HEPACAM: variants seen among roughly 807,000 people sequenced by gnomAD.
HEPACAM encodes the protein hepatic and glial cell adhesion molecule, also known as hepatocyte cell adhesion molecule.
A neutral mutation model predicts 38.3 loss-of-function variants in HEPACAM; 18 were observed. The ratio of observed to expected loss-of-function variants is 0.47; its 90% CI spans 0.33 to 0.70. The LOEUF is 0.70. Among genes scored for constraint, HEPACAM ranks in the 30% least tolerant of loss-of-function variants. The pLI, the probability that HEPACAM is intolerant of heterozygous loss-of-function variation, is 0.03. For missense variants in HEPACAM, 466 were observed against 563.0 expected, an observed-to-expected ratio of 0.83 and a Z score of 1.74; for synonymous variants, 216 against 243.1, an observed-to-expected ratio of 0.89 and a Z score of 1.04.
intron 1 of HEPACAM, among the ~76,000 whole-genome samples, chr11:124,934,846 G>C (rs1024600139): frequency 6.6e-6 from 1 of 152,002 alleles, no homozygotes; most frequent in Non-Finnish European, 1.5e-5. Context: ...ATGTAACCCT[G>C]ACAGTCCCCA....
In HEPACAM at chr11:124,924,337, A is replaced by G. The variant is rs77495486; in HGVS notation, c.428-327T>C. On this transcript the variant is annotated intron_variant, in intron 2 of 6. Coordinates refer to ENST00000298251, the MANE Select transcript of HEPACAM (RefSeq NM_152722.5). This position sits in a 1 kb window ranked among gnomAD's most constrained non-coding sequence, Gnocchi z 4.4. ...ACTGACCCAGCCAGGAAGATATTTC[A>G]GTTGGGCTAAGCCTAGGTCCAACTG... Among the ~76,000 whole-genome samples the G allele has an allele frequency of 6.6e-6, 1 of 152,136 alleles. No homozygotes were observed. Among genetic ancestry groups the G allele is most frequent in the Non-Finnish European group, 1.5e-5 (1 of 68,032 alleles).
chr11:124,928,882 C>T (rs1591551864), intron 1 of HEPACAM, among the ~76,000 whole-genome samples: 1 of 152,236 alleles, frequency 6.6e-6, no homozygotes, highest in Admixed American at 6.5e-5. Context: ...CACATGTCAT[C>T]AGGACCCCCT....
At chr11:124,922,008 AG>A (rs1431432031) in intron 6 of HEPACAM, among the ~76,000 whole-genome samples, 2 of 152,188 alleles carry the variant, frequency 1.3e-5, no homozygotes, top group African/African-American at 2.4e-5. Flanking sequence ...CAGAGAGCAA[AG>A]CTTCATATGT....
At position 124,920,105 on chromosome 11, in the gene HEPACAM, T is replaced by C. The variant is rs537876767; in HGVS notation, c.*1033A>G. On this transcript the variant is annotated 3_prime_UTR_variant, in exon 7 of 7. Coordinates refer to ENST00000298251, the MANE Select transcript of HEPACAM (RefSeq NM_152722.5). ...TGGCAGGAGGCCAGGGGTTGGATCA[T>C]GTTCCCCCCAAATGCTGGGAAGCAA... 7.5e-5 allele frequency: 106 copies of C among 1,422,748 alleles called. No homozygotes were observed. The East Asian group carries it at 2.0e-3, about 27-fold the overall frequency. 88.1% of individuals were successfully genotyped at this position (1,422,748 alleles called of 1,614,324 possible). A position where few individuals can be genotyped will look rare whatever the true frequency, so the allele number is the denominator to read the frequency against.
intron 5 of HEPACAM, 69 bp from the exon 6 acceptor site, chr11:124,922,527 CT>C: frequency 6.3e-7 from 1 of 1,597,502 alleles, no homozygotes; most frequent in Non-Finnish European, 8.6e-7. Flanking sequence ...CACCTACTCT[CT>C]GTGCTTCCCG....
Position 124,919,739 on chromosome 11 carries a change from G to T in HEPACAM, c.*1399C>A. On this transcript the variant is annotated 3_prime_UTR_variant, in exon 7 of 7. Coordinates refer to ENST00000298251, the MANE Select transcript of HEPACAM (RefSeq NM_152722.5). ...TTGGGGCTGAGACAAAACTTGACCT[G>T]GTGTGGAGGTGATGGGTAACTGGGG... The T allele has an allele frequency of 6.2e-7, 1 of 1,612,752 alleles. No homozygotes were observed.
In HEPACAM at chr11:124,922,656, G is replaced by C. The variant is rs150499789; in HGVS notation, c.877+89C>G. The C allele has an allele frequency of 1.7e-5, 28 of 1,614,050 alleles. No homozygotes were observed. In the East Asian group the frequency reaches 5.8e-4, roughly 33 times the overall value. Reference sequence around the variant, plus strand: ...GTGGGGGAAGGGTCCCTGCAGAGCTGTTTTCCTTGTCGCCCAGTTCTGCCT... The same window carrying C: ...GTGGGGGAAGGGTCCCTGCAGAGCTCTTTTCCTTGTCGCCCAGTTCTGCCT... On this transcript the variant is annotated intron_variant, in intron 5 of 6. Transcript: ENST00000298251.
chr11:124,920,678 CAAAAAA>C lies in HEPACAM; in HGVS notation c.*454_*459del, dbSNP rs71042463. 0.013 allele frequency: 7,470 copies of C among 572,764 alleles called. 3 individuals carry two copies. The highest frequency in any genetic ancestry group is 0.029 in the African/African-American group (616 of 21,382). The allele number at this position is 572,764 out of a possible 1,614,324, so 35.5% of individuals were successfully genotyped here. On this transcript the variant is annotated 3_prime_UTR_variant, in exon 7 of 7. Transcript: ENST00000298251. The stretch of plus-strand genomic sequence containing the variant: ...AAGTGGCCTCTCTAATCTGAACTTG[CAAAAAA>C]AAAAAAAAAAAAAAAAAAAAAAAAA...
chr11:124,923,742 C>A lies in HEPACAM; in HGVS notation c.696G>T (p.Lys232Asn), dbSNP rs771212062. ...PISQGRSLPVKITVYRRSSLY... is the reference protein window; with the variant it reads ...PISQGRSLPVNITVYRRSSLY... ...GGGGAAACTCACTGTATACGGTGAT[C>A]TTGACAGGCAGGCTGCGGCCCTGGC... The change falls in exon 3 of 7, where the codon AAG becomes AAT. Residue 232 changes from lysine (K) to asparagine (N), a missense_variant. Transcript: ENST00000298251. 2.5e-6 allele frequency: 4 copies of A among 1,614,154 alleles called. No individual in the cohort carries two copies. Among genetic ancestry groups the A allele is most frequent in the Non-Finnish European group, 3.4e-6 (4 of 1,180,034 alleles).
intron 1 of HEPACAM, among the ~76,000 whole-genome samples, chr11:124,931,657 G>A (rs1406202221): frequency 6.6e-6 from 1 of 152,148 alleles, no homozygotes; most frequent in East Asian, 1.9e-4. Flanking sequence ...AAACCGTTTG[G>A]CCATGTCTAT....
chr11:124,923,088 A>G (rs1947161300), intron 4 of HEPACAM, among the ~76,000 whole-genome samples: 1 of 152,200 alleles, frequency 6.6e-6, no homozygotes, highest in African/African-American at 2.4e-5. Flanking sequence ...AAAAGGTAGC[A>G]GGCTAACCAC....
intron 1 of HEPACAM, among the ~76,000 whole-genome samples, chr11:124,932,168 G>C (rs1947288241): frequency 6.6e-6 from 1 of 152,060 alleles, no homozygotes; most frequent in Non-Finnish European, 1.5e-5. Flanking sequence ...CTTTTTAAAG[G>C]CTCACCAAAC....
chr11:124,928,239 AGGTT>A (rs1362337668), intron 1 of HEPACAM, among the ~76,000 whole-genome samples: 1 of 152,206 alleles, frequency 6.6e-6, no homozygotes, highest in African/African-American at 2.4e-5. Flanking sequence ...ATGATCCTTA[AGGTT>A]TCTTCCAATT....
Position 124,925,023 on chromosome 11 carries a change from A to G in HEPACAM, c.132T>C (p.His44=), listed in dbSNP as rs1225085856. Residue 44 remains histidine, a synonymous_variant, in exon 2 of 7, where the codon CAT becomes CAC. Coordinates refer to ENST00000298251, the MANE Select transcript of HEPACAM (RefSeq NM_152722.5). ...VNITSPVRLI[H]GTVGKSALLS... ...GCAGAGCCGACTTCCCCACGGTGCC[A>G]TGGATCAGGCGCACGGGGCTGGTGA... 1.9e-6 allele frequency: 3 copies of G among 1,606,098 alleles called. No individual in the cohort carries two copies. Among genetic ancestry groups the G allele is most frequent in the Non-Finnish European group, 1.7e-6 (2 of 1,173,862 alleles).
Position 124,921,165 on chromosome 11 carries a change from C to A in HEPACAM, c.1224G>T (p.Glu408Asp). The A allele has an allele frequency of 6.5e-7, 1 of 1,527,866 alleles. No homozygotes were observed. Among genetic ancestry groups the A allele is most frequent in the Non-Finnish European group, 8.7e-7 (1 of 1,144,486 alleles). 94.6% of individuals were successfully genotyped at this position (1,527,866 alleles called of 1,614,324 possible). Residue 408 changes from glutamate to aspartate, a missense_variant, in exon 7 of 7, where the codon GAG becomes GAT. Coordinates refer to ENST00000298251, the MANE Select transcript of HEPACAM (RefSeq NM_152722.5). The surrounding 1 kb of genome is among the most constrained non-coding windows in gnomAD (Gnocchi z 4.6). ...AGVHIIREQD[E>D]AGPVEISA ...AGGCGCTGATCTCCACCGGGCCGGC[C>A]TCGTCTTGCTCGCGGATTATGTGCA...
rs1947121634 is a variant in HEPACAM at position 124,920,827 on chromosome 11, A to T, written c.*311T>A. The T allele has an allele frequency of 8.5e-7, 1 of 1,181,974 alleles. No individual in the cohort carries two copies. Among genetic ancestry groups the T allele is most frequent in the Non-Finnish European group, 1.0e-6 (1 of 955,630 alleles). The allele number at this position is 1,181,974 out of a possible 1,614,324, so 73.2% of individuals were successfully genotyped here. On this transcript the variant is annotated 3_prime_UTR_variant, in exon 7 of 7. Coordinates refer to ENST00000298251, the MANE Select transcript of HEPACAM (RefSeq NM_152722.5). Reference sequence around the variant, plus strand: ...TTAGGTTACTGATGTTAGTTTCCATAAAACCCTTTTGGGTATTGGGCCAGA... The same window carrying T: ...TTAGGTTACTGATGTTAGTTTCCATTAAACCCTTTTGGGTATTGGGCCAGA...
chr11:124,924,122 C>G lies in HEPACAM; in HGVS notation c.428-112G>C. On this transcript the variant is annotated intron_variant, in intron 2 of 6. Transcript: ENST00000298251. This position sits in a 1 kb window ranked among gnomAD's most constrained non-coding sequence, Gnocchi z 4.4. ...CTTTAACACTACCTTCCAACTCAAT[C>G]TGTGGGCTGAGAAGACTTCAGACAT... 1.9e-6 allele frequency: 2 copies of G among 1,048,824 alleles called. No homozygotes were observed. Among genetic ancestry groups the G allele is most frequent in the East Asian group, 5.2e-5 (2 of 38,550 alleles). The allele number at this position is 1,048,824 out of a possible 1,614,324, so 65.0% of individuals were successfully genotyped here.
Position 124,921,524 on chromosome 11 carries a change from G to C in HEPACAM, c.949-84C>G. 3.3e-6 allele frequency: 3 copies of C among 895,862 alleles called. No homozygotes were observed. The South Asian group carries it at 1.7e-4, about 50-fold the overall frequency. 55.5% of individuals were successfully genotyped at this position (895,862 alleles called of 1,614,324 possible). On this transcript the variant is annotated intron_variant, in intron 6 of 6. Transcript: ENST00000298251. This position sits in a 1 kb window ranked among gnomAD's most constrained non-coding sequence, Gnocchi z 4.6. ...TGGTGTTAGAGCTTGCTGGAATTCC[G>C]AGGGGAGGGACCTAGTTTCCCTCTG...
chr11:124,920,570 C>A lies in HEPACAM; in HGVS notation c.*568G>T. 2 of 1,305,050 alleles carry A rather than the reference C, an allele frequency of 1.5e-6. No homozygotes were observed. Among genetic ancestry groups the A allele is most frequent in the South Asian group, 1.6e-5 (1 of 62,740 alleles). The allele number at this position is 1,305,050 out of a possible 1,614,324, so 80.8% of individuals were successfully genotyped here. The stretch of plus-strand genomic sequence containing the variant: ...CAGGGAAGAAGGCCTTCACAATGAT[C>A]CCCCCAGCTCAGAACAGCCCCTGCA... On this transcript the variant is annotated 3_prime_UTR_variant, in exon 7 of 7. Transcript: ENST00000298251.
Sources: allele counts gnomAD v4.1 joint callset (sites outside exome capture counted in the v4.1 genomes callset), GRCh38; gene constraint gnomAD v4.1.1; non-coding constraint Gnocchi (gnomAD v3.1); transcripts MANE v1.5; gene names NCBI Gene and HGNC (gene_info 2026-07-23, HGNC 2026-07-21).